Variants in AKR1E2 observed in about 807,000 individuals in gnomAD.
AKR1E2 encodes the protein aldo-keto reductase family 1 member E2.
Under a neutral mutation model 41.9 loss-of-function variants are expected in AKR1E2, and 43 were observed. The ratio of observed to expected loss-of-function variants is 1.03; its 90% confidence interval spans 0.80 to 1.32. The LOEUF is 1.32. Among genes scored for constraint, AKR1E2 ranks in the 40% most tolerant of loss-of-function variants. The pLI, the probability that AKR1E2 is intolerant of heterozygous loss-of-function variation, is 0.00. For missense variants in AKR1E2, 423 were observed against 396.5 expected, an observed-to-expected ratio of 1.07 and a Z score of -0.57; for synonymous variants, 121 against 138.9, an observed-to-expected ratio of 0.87 and a Z score of 0.91.
Position 4,847,558 on chromosome 10 carries a change from C to T in AKR1E2, c.*28C>T, listed in dbSNP as rs776253242. The T allele has an allele frequency of 2.4e-5, 39 of 1,611,318 alleles. No homozygotes were observed. The East Asian group carries it at 4.7e-4, about 19-fold the overall frequency. Reference sequence around the variant, plus strand: ...ACGCTTCCCCTTCCTTGTTTCTGCTCAGCCCAGATGCACAGACACTATTGG... The same window carrying T: ...ACGCTTCCCCTTCCTTGTTTCTGCTTAGCCCAGATGCACAGACACTATTGG... On this transcript the variant is annotated 3_prime_UTR_variant, in exon 10 of 10. Transcript: ENST00000298375.
At chr10:4,864,365 G>A in the AKR1E2 span, among the ~76,000 whole-genome samples, 4 of 152,140 alleles carry the variant, frequency 2.6e-5, no homozygotes, top group South Asian at 8.3e-4. Flanking sequence ...AAAACCACAT[G>A]ATTATCTCAA....
Position 4,847,492 on chromosome 10 carries a change from A to G in AKR1E2, c.925A>G (p.Lys309Glu). ...ATTTGTTTTTCTGTTTTTCAGAACT[A>G]AAAATCACAAAGACTATCCTTTCCA... Reference protein sequence around the residue: ...NLRLAMFPITKNHKDYPFHIE... With the variant: ...NLRLAMFPITENHKDYPFHIE... The change falls in exon 10 of 10, where the codon AAA (lysine) becomes GAA (glutamate). Residue 309 changes from lysine (K) to glutamate (E), a missense_variant. Transcript: ENST00000298375. The G allele has an allele frequency of 6.2e-7, 1 of 1,611,976 alleles. No individual in the cohort carries two copies. Among genetic ancestry groups the G allele is most frequent in the East Asian group, 2.2e-5 (1 of 44,882 alleles).
At chr10:4,840,883 A>G (rs1833821062) in intron 6 of AKR1E2, among the ~76,000 whole-genome samples, 1 of 152,114 alleles carries the variant, frequency 6.6e-6, no homozygotes, top group Admixed American at 6.5e-5. Context: ...CCACTAGTCA[A>G]AGCAACCAGA....
the AKR1E2 span, among the ~76,000 whole-genome samples, chr10:4,856,377 G>A: frequency 6.6e-6 from 1 of 152,082 alleles, no homozygotes; most frequent in African/African-American, 2.4e-5. Context: ...AGCACAACAG[G>A]TTTTTCTTAG....
chr10:4,847,866 TG>T lies in AKR1E2; in HGVS notation c.*337del. ...ACAGAGCTGAGGAAACAGTGTAATGTGTCTCTGCCCCATTGCGCAGCTCCAC... is the reference window on the plus strand; with the variant it reads ...ACAGAGCTGAGGAAACAGTGTAATGTTCTCTGCCCCATTGCGCAGCTCCAC... On this transcript the variant is annotated 3_prime_UTR_variant, in exon 10 of 10. Transcript: ENST00000298375. 1 of 268,918 alleles carries T rather than the reference TG, an allele frequency of 3.7e-6. No individual in the cohort carries two copies. Among genetic ancestry groups the T allele is most frequent in the Non-Finnish European group, 7.0e-6 (1 of 143,490 alleles). The allele number at this position is 268,918 out of a possible 1,614,324, so 16.7% of individuals were successfully genotyped here.
the AKR1E2 span, among the ~76,000 whole-genome samples, chr10:4,857,052 A>G: frequency 1.3e-5 from 2 of 152,254 alleles, no homozygotes; most frequent in Admixed American, 6.5e-5. Flanking sequence ...CTTGATCTAT[A>G]CATTTGACTC....
chr10:4,847,374 A>T, intron 9 of AKR1E2, 114 bp from the exon 10 acceptor site: 1 of 1,529,372 alleles, frequency 6.5e-7, no homozygotes, highest in South Asian at 1.2e-5. Flanking sequence ...TGAGCCACTG[A>T]ATGAAGCTAA....
At chr10:4,869,681 A>G in the AKR1E2 span, among the ~76,000 whole-genome samples, 1 of 151,948 alleles carries the variant, frequency 6.6e-6, no homozygotes, top group African/African-American at 2.4e-5. Flanking sequence ...GCTGTGTTCT[A>G]CACAATTTGA....
At chr10:4,866,899 C>A in the AKR1E2 span, among the ~76,000 whole-genome samples, 4 of 151,838 alleles carry the variant, frequency 2.6e-5, no homozygotes, top group African/African-American at 7.3e-5. Context: ...TGAGTGGGGC[C>A]GGCTGATCCA....
rs145084659 is a variant in AKR1E2, at chr10:4,838,130, A to C, written c.582+549A>C. Among the ~76,000 whole-genome samples, 698 of 152,364 alleles carry C rather than the reference A, an allele frequency of 4.6e-3. 5 individuals carry two copies. The highest frequency in any genetic ancestry group is 0.016 in the African/African-American group (670 of 41,592). On this transcript the variant is annotated intron_variant, in intron 5 of 9. Transcript: ENST00000298375. The stretch of plus-strand genomic sequence containing the variant: ...TTTTTATTGAAGAGTAGAAGTGCAC[A>C]TGTGAAAATGGAACTGTATAAATTC...
chr10:4,864,198 G>A, the AKR1E2 span, among the ~76,000 whole-genome samples: 33 of 152,140 alleles, frequency 2.2e-4, no homozygotes, highest in African/African-American at 5.3e-4. Flanking sequence ...TGAAATTGAC[G>A]CAAAAATCCT....
At chr10:4,860,679 A>C in the AKR1E2 span, among the ~76,000 whole-genome samples, 5 of 152,234 alleles carry the variant, frequency 3.3e-5, no homozygotes, top group African/African-American at 1.2e-4. Flanking sequence ...TAAATTTAAA[A>C]ATCGAAAAAT....
the AKR1E2 span, among the ~76,000 whole-genome samples, chr10:4,864,497 C>CT: frequency 1.3e-5 from 2 of 151,960 alleles, no homozygotes; most frequent in African/African-American, 4.8e-5. Context: ...AACCCACAGC[C>CT]AGTATCGTAC....
upstream of AKR1E2, chr10:4,826,176 C>T: frequency 1.8e-6 from 1 of 555,870 alleles, no homozygotes; most frequent in Middle Eastern, 3.7e-4. Flanking sequence ...GCCCTGCGTT[C>T]ATGCTTCCAG....
chr10:4,872,923 A>T, the AKR1E2 span, among the ~76,000 whole-genome samples: 1 of 152,168 alleles, frequency 6.6e-6, no homozygotes, highest in Non-Finnish European at 1.5e-5. Context: ...GACCTGAAGG[A>T]TGTAAAGGAG....
intron 8 of AKR1E2, chr10:4,845,842 A>G (rs1834294179): frequency 2.1e-6 from 1 of 470,744 alleles, no homozygotes; most frequent in Non-Finnish European, 4.4e-6. Context: ...CTGACGTGAG[A>G]CCTGAGGGCC....
At chr10:4,847,363 A>C (rs1287879599) in intron 9 of AKR1E2, 125 bp from the exon 10 acceptor site, 88 of 1,540,124 alleles carry the variant, frequency 5.7e-5, no homozygotes, top group Non-Finnish European at 7.4e-5. Flanking sequence ...CTGTTTGAAG[A>C]TGAGCCACTG....
chr10:4,836,641 C>A (rs949241394), intron 4 of AKR1E2, among the ~76,000 whole-genome samples: 3 of 152,186 alleles, frequency 2.0e-5, no homozygotes, highest in Admixed American at 6.5e-5. Context: ...TAGGCTCCCC[C>A]CATCAATAGA....
Position 4,826,209 on chromosome 10 carries a change from C to T in AKR1E2, c.-116C>T. The T allele has an allele frequency of 1.3e-6, 1 of 788,694 alleles. No homozygotes were observed. 48.9% of individuals were successfully genotyped at this position (788,694 alleles called of 1,614,324 possible). ...CAGCCATTGTCGGAGTGTCAGCCGT[C>T]ACAAGGCACTTCCAGCCAGTCGCAA... is the stretch of plus-strand genomic sequence containing the variant. On this transcript the variant is annotated 5_prime_UTR_variant, in exon 1 of 10. Transcript: ENST00000298375.
Sources: allele counts gnomAD v4.1 joint callset (sites outside exome capture counted in the v4.1 genomes callset), GRCh38; gene constraint gnomAD v4.1.1; transcripts MANE v1.5; gene names NCBI Gene and HGNC (gene_info 2026-07-23, HGNC 2026-07-21).